The following NBEA variants were observed in gnomAD, a reference collection of about 807,000 sequenced individuals.
NBEA encodes lysosomal-trafficking regulator 2.
NBEA carries 44 observed loss-of-function variants against 343.4 expected under a neutral mutation model. The ratio of observed to expected loss-of-function variants is 0.13; its 90% CI spans 0.10 to 0.16. NBEA has a LOEUF of 0.16. NBEA is among the 10% of genes least tolerant of loss of function. The probability of loss-of-function intolerance (pLI) is 1.00; values close to 1 mark genes in which losing one functional copy is unlikely to be tolerated. For missense variants in NBEA, 2,555 were observed against 3,631.3 expected (o/e 0.70, Z 7.62); for synonymous variants, 1,175 against 1,238.7 (o/e 0.95, Z 1.08).
chr13:35,606,336 C>A, intron 47 of NBEA, 90 bp from the exon 48 acceptor site: 1 of 621,098 alleles, frequency 1.6e-6, no homozygotes, highest in African/African-American at 1.9e-5. Context: ...TTATTTTATT[C>A]CATTTATAGT....
chr13:35,131,527 T>C (rs1242049521), intron 17 of NBEA, among the ~76,000 whole-genome samples: 1 of 152,152 alleles, frequency 6.6e-6, no homozygotes, highest in East Asian at 1.9e-4. Context: ...AAACCACAAA[T>C]AGAAAATAAT....
At chr13:35,424,819 A>T (rs9600744) in intron 38 of NBEA, among the ~76,000 whole-genome samples, 3,659 of 152,098 alleles carry the variant, frequency 0.024, 147 homozygotes, top group African/African-American at 0.08. Flanking sequence ...TTATTGCCTC[A>T]ATTTCAGAGC....
At chr13:35,429,545 C>T (rs957473504) in intron 38 of NBEA, among the ~76,000 whole-genome samples, 3 of 152,118 alleles carry the variant, frequency 2.0e-5, no homozygotes, top group African/African-American at 4.8e-5. Context: ...ACAAAAACAA[C>T]TCATCAATAT....
intron 24 of NBEA, among the ~76,000 whole-genome samples, chr13:35,167,302 C>G (rs2070114009): frequency 6.6e-6 from 1 of 151,870 alleles, no homozygotes; most frequent in Admixed American, 6.6e-5. Context: ...CTTTTCTGCC[C>G]TGGAAATTTA....
chr13:35,151,478 G>A (rs2068783272), intron 18 of NBEA, among the ~76,000 whole-genome samples: 1 of 151,396 alleles, frequency 6.6e-6, no homozygotes, highest in African/African-American at 2.4e-5. Context: ...GGGAGGTGGA[G>A]GTTGCGGTGA....
intron 36 of NBEA, among the ~76,000 whole-genome samples, chr13:35,319,844 A>G (rs2038012408): frequency 6.6e-6 from 1 of 151,680 alleles, no homozygotes. Context: ...ACCATTACAT[A>G]ATTCCCTTCT....
chr13:35,623,730 A>G (rs964341870), intron 48 of NBEA, among the ~76,000 whole-genome samples: 17 of 152,162 alleles, frequency 1.1e-4, no homozygotes, highest in African/African-American at 3.9e-4. Context: ...AAAAATATTT[A>G]AAATGTCAAA....
chr13:35,528,014 TAA>T (rs1415220550), intron 41 of NBEA, among the ~76,000 whole-genome samples: 3 of 152,120 alleles, frequency 2.0e-5, no homozygotes, highest in South Asian at 2.1e-4. Flanking sequence ...AAAAAAAATA[TAA>T]GTTTTACCCC....
intron 30 of NBEA, among the ~76,000 whole-genome samples, chr13:35,192,373 T>C (rs2072266691): frequency 6.6e-6 from 1 of 151,962 alleles, no homozygotes; most frequent in African/African-American, 2.4e-5. Context: ...TACTGATCTG[T>C]TTTTTTATTG....
chr13:35,234,417 A>T (rs1467183940), intron 34 of NBEA, among the ~76,000 whole-genome samples: 2 of 152,218 alleles, frequency 1.3e-5, no homozygotes, highest in Non-Finnish European at 2.9e-5. Context: ...ATGATTGACT[A>T]CACAAAATCA....
At chr13:35,459,577 G>A (rs952025733) in intron 40 of NBEA, among the ~76,000 whole-genome samples, 9 of 152,132 alleles carry the variant, frequency 5.9e-5, no homozygotes, top group Admixed American at 1.3e-4. Context: ...GGCAGATAAT[G>A]TATCTTCCCT....
At chr13:35,649,904 T>C in intron 52 of NBEA, 57 bp downstream of exon 52, 1 of 1,419,322 alleles carries the variant, frequency 7.0e-7, no homozygotes, top group Non-Finnish European at 9.4e-7. Flanking sequence ...ACAATTAAAG[T>C]AAAAAAGTGT....
At chr13:35,234,301 A>C (rs114496929) in intron 34 of NBEA, among the ~76,000 whole-genome samples, 5,146 of 152,264 alleles carry the variant, frequency 0.034, 94 homozygotes, top group African/African-American at 0.058. Context: ...AACCATGCTA[A>C]TTCAAAGCAG....
At chr13:35,288,469 A>G (rs1324238435) in intron 34 of NBEA, among the ~76,000 whole-genome samples, 2 of 151,996 alleles carry the variant, frequency 1.3e-5, no homozygotes, top group Admixed American at 6.6e-5. Flanking sequence ...AGCCTTTTAC[A>G]AAATACTGAG....
intron 40 of NBEA, among the ~76,000 whole-genome samples, chr13:35,469,596 ATTTG>A (rs1456349900): frequency 6.6e-6 from 1 of 152,190 alleles, no homozygotes; most frequent in East Asian, 1.9e-4. Context: ...TGTCTTATCC[ATTTG>A]TTTAACATTT....
chr13:35,077,299 A>G (rs2064163077), intron 10 of NBEA, among the ~76,000 whole-genome samples: 1 of 152,118 alleles, frequency 6.6e-6, no homozygotes, highest in Non-Finnish European at 1.5e-5. Flanking sequence ...CCATTGATGG[A>G]ATATTTCCAT....
intron 38 of NBEA, among the ~76,000 whole-genome samples, chr13:35,425,339 A>G (rs577536835): frequency 1.7e-3 from 256 of 152,258 alleles, no homozygotes; most frequent in Non-Finnish European, 2.9e-3. Context: ...AGATTCTGCT[A>G]TGTTGTGTCT....
chr13:35,443,797 A>T (rs1001718304), intron 39 of NBEA, among the ~76,000 whole-genome samples: 1 of 152,084 alleles, frequency 6.6e-6, no homozygotes, highest in East Asian at 1.9e-4. Flanking sequence ...ATTCAGTATC[A>T]CTAACAGTTT....
At chr13:35,424,105 A>C (rs1298362772) in intron 38 of NBEA, among the ~76,000 whole-genome samples, 1 of 152,194 alleles carries the variant, frequency 6.6e-6, no homozygotes, top group African/African-American at 2.4e-5. Context: ...AACAGGGACA[A>C]TTTGACTTCC....
Sources: allele counts gnomAD v4.1 joint callset (sites outside exome capture counted in the v4.1 genomes callset), GRCh38; gene constraint gnomAD v4.1.1; transcripts MANE v1.5; gene names NCBI Gene and HGNC (gene_info 2026-07-23, HGNC 2026-07-21).